Variants in ZNF341 observed in about 807,000 individuals in gnomAD.
ZNF341 encodes zinc finger protein 341.
Under a neutral mutation model 87.7 loss-of-function variants are expected in ZNF341, and 52 were observed. That is an observed-to-expected ratio of 0.59 (90% CI 0.47 to 0.75). The LOEUF (loss-of-function observed/expected upper bound fraction) is 0.75, where lower values mean the gene tolerates loss of function less well. Among genes scored for constraint, ZNF341 ranks in the 30% least tolerant of loss-of-function variants. The pLI is 0.00. For missense variants in ZNF341, 977 were observed against 1,145.9 expected (o/e 0.85, Z 2.13); for synonymous variants, 459 against 472.7 (o/e 0.97, Z 0.38).
intron 3 of ZNF341, among the ~76,000 whole-genome samples, chr20:33,747,432 G>A (rs180717668): frequency 0.014 from 1,980 of 140,440 alleles, 257 homozygotes; most frequent in African/African-American, 0.061. Context: ...CGGCTAAAAC[G>A]GTGAAACCCC....
At chr20:33,737,635 T>C (rs937570980) in intron 1 of ZNF341, among the ~76,000 whole-genome samples, 1 of 152,280 alleles carries the variant, frequency 6.6e-6, no homozygotes, top group East Asian at 1.9e-4. Flanking sequence ...ACTAGGTTTT[T>C]TCAAAGATAG....
At chr20:33,788,397 TG>T (rs1344236785) in intron 12 of ZNF341, 1 of 186,620 alleles carries the variant, frequency 5.4e-6, no homozygotes, top group Non-Finnish European at 1.1e-5. Flanking sequence ...CACTCCAGCC[TG>T]GGTGACAGAG....
chr20:33,735,864 AC>A (rs2018671998), intron 1 of ZNF341, among the ~76,000 whole-genome samples: 2 of 151,994 alleles, frequency 1.3e-5, no homozygotes, highest in Non-Finnish European at 2.9e-5. Flanking sequence ...CCTGGCAACC[AC>A]TAATCTGTCT....
At chr20:33,763,220 T>C (rs1461503765) in intron 8 of ZNF341, among the ~76,000 whole-genome samples, 3 of 152,240 alleles carry the variant, frequency 2.0e-5, no homozygotes, top group Non-Finnish European at 4.4e-5. Context: ...TGCTTGTTTG[T>C]TACATGGGTA....
intron 5 of ZNF341, among the ~76,000 whole-genome samples, chr20:33,755,840 T>C (rs1473105604): frequency 2.0e-5 from 3 of 151,828 alleles, no homozygotes; most frequent in Admixed American, 6.6e-5. Context: ...GTGATCCTCC[T>C]TCCTCGGCCT....
At chr20:33,789,078 CT>C (rs397692441) in intron 13 of ZNF341, 104 bp downstream of exon 13, 82,622 of 566,774 alleles carry the variant, frequency 0.15, no homozygotes, top group South Asian at 0.19. Flanking sequence ...CAGGCCTCTC[CT>C]TTTTTTTTTT....
chr20:33,737,423 G>A (rs370512461), intron 1 of ZNF341, among the ~76,000 whole-genome samples: 117 of 152,272 alleles, frequency 7.7e-4, no homozygotes, highest in East Asian at 4.1e-3. Flanking sequence ...CTGGGTTCAC[G>A]CCATTCTCCT....
At chr20:33,750,396 CCT>C (rs1419518221) in intron 4 of ZNF341, among the ~76,000 whole-genome samples, 3 of 151,548 alleles carry the variant, frequency 2.0e-5, no homozygotes, top group South Asian at 2.1e-4. Flanking sequence ...TTTTTTTTTC[CCT>C]GTTTGGGAAC....
At chr20:33,781,123 T>C (rs2889785) in intron 10 of ZNF341, among the ~76,000 whole-genome samples, 168 bp from the exon 11 acceptor site, 67,282 of 151,950 alleles carry the variant, frequency 0.44, 16,527 homozygotes, top group African/African-American at 0.66. Context: ...GAACAAGAGA[T>C]GATGGCGCTC....
At chr20:33,757,364 G>A (rs1287730198) in intron 6 of ZNF341, 21 bp downstream of exon 6, 2 of 1,453,480 alleles carry the variant, frequency 1.4e-6, no homozygotes, top group South Asian at 1.5e-5. Context: ...AGCCTGCCAT[G>A]GGCATCTTTC....
intron 8 of ZNF341, among the ~76,000 whole-genome samples, chr20:33,765,933 AG>A (rs1213061959): frequency 6.6e-6 from 1 of 152,170 alleles, no homozygotes; most frequent in Non-Finnish European, 1.5e-5. Flanking sequence ...CCCAGGCTGG[AG>A]TGCAATGGCG....
chr20:33,740,185 G>A (rs2018770758), intron 1 of ZNF341, among the ~76,000 whole-genome samples: 1 of 152,112 alleles, frequency 6.6e-6, no homozygotes, highest in Admixed American at 6.6e-5. Flanking sequence ...TTTATCCTAC[G>A]ATCCTAAGGT....
intron 10 of ZNF341, among the ~76,000 whole-genome samples, chr20:33,772,682 C>T (rs911257626): frequency 9.9e-5 from 15 of 151,872 alleles, no homozygotes; most frequent in South Asian, 2.1e-4. Flanking sequence ...CAGGAGGAAC[C>T]GCAAGTTTAA....
intron 1 of ZNF341, among the ~76,000 whole-genome samples, chr20:33,739,418 G>T (rs2018757235): frequency 6.6e-6 from 1 of 152,214 alleles, no homozygotes; most frequent in South Asian, 2.1e-4. Context: ...GGCACAGTGT[G>T]CCTTGGTGGC....
rs184458008 is a variant in ZNF341 at position 33,791,194 on chromosome 20, C to T, written c.2242C>T (p.Gln748Ter). ...DKDLQTRRPP[Q>*]RRAAPRSCGS... ...GGACCTGCAAACCCGGCGGCCCCCC[C>T]AGAGGAGGGCAGCCCCCCGCAGTTG... Residue 748 changes from glutamine to a stop codon, truncating the protein, a stop_gained, in exon 15 of 15, where the codon CAG becomes TAG. Transcript: ENST00000375200. LOFTEE classifies it high-confidence loss of function. 1.9e-6 allele frequency: 3 copies of T among 1,612,844 alleles called. No individual in the cohort carries two copies. The highest frequency in any genetic ancestry group is 3.3e-5 in the Admixed American group (2 of 60,018).
intron 1 of ZNF341, among the ~76,000 whole-genome samples, chr20:33,739,666 C>T (rs2018762384): frequency 6.6e-6 from 1 of 152,186 alleles, no homozygotes; most frequent in Admixed American, 6.5e-5. Flanking sequence ...GGGGAGTGTG[C>T]ATGAGGAAAA....
Position 33,749,300 on chromosome 20 carries a change from CT to C in ZNF341, c.489+238del, listed in dbSNP as rs199586669. ...TGTCAATACAGTGCAGCTATTTTGA[CT>C]TTTTTTTTTGAGATGGAGTCTCACT... On this transcript the variant is annotated intron_variant, in intron 4 of 14. Transcript: ENST00000375200. Among the ~76,000 whole-genome samples, 5 of 149,708 alleles carry C rather than the reference CT, an allele frequency of 3.3e-5. No homozygotes were observed. In the South Asian group the frequency reaches 6.4e-4, roughly 19 times the overall value.
At chr20:33,761,372 C>A (rs1489021176) in intron 7 of ZNF341, among the ~76,000 whole-genome samples, 1 of 152,150 alleles carries the variant, frequency 6.6e-6, no homozygotes, top group Non-Finnish European at 1.5e-5. Context: ...TCAAGCAATT[C>A]TCCTGCCTCA....
At chr20:33,743,193 G>A (rs1226357742) in intron 2 of ZNF341, among the ~76,000 whole-genome samples, 1 of 151,622 alleles carries the variant, frequency 6.6e-6, no homozygotes, top group African/African-American at 2.4e-5. Context: ...CACCACACCC[G>A]GCTAATTTTT....
Sources: allele counts gnomAD v4.1 joint callset (sites outside exome capture counted in the v4.1 genomes callset), GRCh38; gene constraint gnomAD v4.1.1; transcripts MANE v1.5; gene names NCBI Gene and HGNC (gene_info 2026-07-23, HGNC 2026-07-21).